The following MSRA variants were observed in gnomAD, a reference collection of about 807,000 sequenced individuals.
MSRA encodes methionine sulfoxide reductase A, also known as mitochondrial peptide methionine sulfoxide reductase.
A neutral mutation model predicts 31.3 loss-of-function variants in MSRA; 54 were observed. The observed-to-expected ratio is 1.73, with a 90% confidence interval of 1.39 to 2.17. MSRA has a LOEUF of 2.17. Among genes scored for constraint, MSRA ranks in the 30% most tolerant of loss-of-function variants. MSRA has a pLI of 0.00. For synonymous variants in MSRA, 169 were observed against 116.5 expected, an observed-to-expected ratio of 1.45 and a Z score of -2.90; for missense variants, 507 against 300.9, an observed-to-expected ratio of 1.69 and a Z score of -5.07.
intron 1 of MSRA, among the ~76,000 whole-genome samples, chr8:10,155,392 C>G (rs1804065437): frequency 6.6e-6 from 1 of 152,194 alleles, no homozygotes; most frequent in African/African-American, 2.4e-5. Flanking sequence ...CCCACGCTCT[C>G]TCTCTCACTG....
At chr8:10,132,244 C>T (rs1346045560) in intron 1 of MSRA, among the ~76,000 whole-genome samples, 1 of 152,212 alleles carries the variant, frequency 6.6e-6, no homozygotes, top group Non-Finnish European at 1.5e-5. Flanking sequence ...AAAGTTTGGA[C>T]TTTCAGATGA....
chr8:10,178,833 G>T (rs575861696), intron 1 of MSRA, among the ~76,000 whole-genome samples: 1 of 152,270 alleles, frequency 6.6e-6, no homozygotes, highest in East Asian at 1.9e-4. Context: ...TAAAATAACT[G>T]TTGTTTCCTG....
chr8:10,382,967 G>A (rs900422747), intron 5 of MSRA, among the ~76,000 whole-genome samples: 3 of 152,204 alleles, frequency 2.0e-5, no homozygotes, highest in Non-Finnish European at 2.9e-5. Context: ...TTCTCCTGCA[G>A]TGCTGGATGT....
intron 5 of MSRA, among the ~76,000 whole-genome samples, chr8:10,328,901 C>A (rs568259829): frequency 2.0e-5 from 3 of 152,264 alleles, no homozygotes; most frequent in African/African-American, 7.2e-5. Flanking sequence ...TTCATGGACT[C>A]ACTGTTGCCA....
At chr8:10,081,452 A>G (rs1191227932) in intron 1 of MSRA, among the ~76,000 whole-genome samples, 1 of 152,064 alleles carries the variant, frequency 6.6e-6, no homozygotes, top group South Asian at 2.1e-4. Flanking sequence ...AGGTTCGGGC[A>G]TCTCCAGATG....
intron 1 of MSRA, among the ~76,000 whole-genome samples, chr8:10,069,145 TTTC>T (rs1270997535): frequency 6.6e-6 from 1 of 151,984 alleles, no homozygotes; most frequent in African/African-American, 2.4e-5. Context: ...CTTGCTGTAA[TTTC>T]TTATTAGTTC....
chr8:10,090,465 T>C, intron 1 of MSRA, among the ~76,000 whole-genome samples: 1 of 152,214 alleles, frequency 6.6e-6, no homozygotes, highest in East Asian at 1.9e-4. Context: ...ATAAAGGATT[T>C]TTGTGAGTTT....
intron 5 of MSRA, among the ~76,000 whole-genome samples, chr8:10,390,295 G>T (rs1399859867): frequency 6.6e-6 from 1 of 152,210 alleles, no homozygotes; most frequent in African/African-American, 2.4e-5. Context: ...GTGGCCTTGT[G>T]TTTCCTGTGC....
chr8:10,410,072 A>T (rs1424873215), intron 5 of MSRA, among the ~76,000 whole-genome samples: 1 of 152,174 alleles, frequency 6.6e-6, no homozygotes, highest in Non-Finnish European at 1.5e-5. Context: ...ATTTTTAAAG[A>T]TATTTCTTCG....
intron 2 of MSRA, among the ~76,000 whole-genome samples, chr8:10,241,287 C>A (rs571700006): frequency 6.6e-6 from 1 of 152,176 alleles, no homozygotes; most frequent in African/African-American, 2.4e-5. Context: ...TCTGGGACAT[C>A]CTGTCAAACC....
intron 1 of MSRA, among the ~76,000 whole-genome samples, chr8:10,154,257 C>G (rs1412024811): frequency 6.7e-6 from 1 of 150,220 alleles, no homozygotes; most frequent in East Asian, 2.0e-4. Flanking sequence ...AAAATACTTA[C>G]AGTTCTTACC....
intron 1 of MSRA, among the ~76,000 whole-genome samples, chr8:10,102,762 AG>A (rs1051758318): frequency 2.0e-5 from 3 of 152,168 alleles, no homozygotes; most frequent in African/African-American, 7.2e-5. Context: ...AGCAGGGGAA[AG>A]GGGGGCACTC....
intron 1 of MSRA, among the ~76,000 whole-genome samples, chr8:10,055,997 T>C (rs919253768): frequency 1.3e-5 from 2 of 152,064 alleles, no homozygotes; most frequent in Non-Finnish European, 2.9e-5. Context: ...AGTAAACATC[T>C]ATACTTATAT....
At position 10,167,176 on chromosome 8, in the gene MSRA, C is replaced by G. The variant is rs190480268; in HGVS notation, c.143-40657C>G. Among the ~76,000 whole-genome samples, 8 of 152,298 alleles carry G rather than the reference C, an allele frequency of 5.3e-5. No individual in the cohort carries two copies. The East Asian group carries it at 9.6e-4, about 18-fold the overall frequency. ...GGAATTAAAATGTTTTGTCTGGAAACAAGTGAGCTTGACTAACGTGGCCGG... is the reference window on the plus strand; with the variant it reads ...GGAATTAAAATGTTTTGTCTGGAAAGAAGTGAGCTTGACTAACGTGGCCGG... On this transcript the variant is annotated intron_variant, in intron 1 of 5. Coordinates refer to ENST00000317173, the MANE Select transcript of MSRA (RefSeq NM_012331.5).
At chr8:10,178,299 A>G (rs1367493776) in intron 1 of MSRA, among the ~76,000 whole-genome samples, 2 of 152,156 alleles carry the variant, frequency 1.3e-5, no homozygotes, top group Non-Finnish European at 2.9e-5. Context: ...GCTTAACATT[A>G]ACATTCCAGG....
chr8:10,245,597 C>T (rs1797582672), intron 3 of MSRA, among the ~76,000 whole-genome samples: 1 of 152,212 alleles, frequency 6.6e-6, no homozygotes, highest in Non-Finnish European at 1.5e-5. Context: ...TGCCTGGGGG[C>T]TAGTCAGCCT....
chr8:10,183,075 C>G (rs1164659127), intron 1 of MSRA, among the ~76,000 whole-genome samples: 1 of 152,224 alleles, frequency 6.6e-6, no homozygotes, highest in African/African-American at 2.4e-5. Flanking sequence ...TCCACTGATG[C>G]TATAGCTGAC....
At chr8:10,340,970 A>G (rs972724669) in intron 5 of MSRA, among the ~76,000 whole-genome samples, 1 of 152,186 alleles carries the variant, frequency 6.6e-6, no homozygotes, top group African/African-American at 2.4e-5. Context: ...TGATGTGGAA[A>G]CAGCCTCCAA....
At position 10,240,383 on chromosome 8, in the gene MSRA, C is replaced by G. The variant is rs544759158; in HGVS notation, c.212-4721C>G. Reference sequence around the variant, plus strand: ...CCTATCTCTGCCATTGTGGCCAGTTCGTTCCTGCATCCATTACGCAGGTAC... The same window carrying G: ...CCTATCTCTGCCATTGTGGCCAGTTGGTTCCTGCATCCATTACGCAGGTAC... On this transcript the variant is annotated intron_variant, in intron 2 of 5. Transcript: ENST00000317173. 1.4e-3 allele frequency among the ~76,000 whole-genome samples: 208 copies of G among 152,232 alleles called. 2 individuals carry two copies. Among genetic ancestry groups the G allele is most frequent in the African/African-American group, 4.6e-3 (193 of 41,534 alleles).
Sources: gnomAD v4.1 joint callset for allele counts (sites outside exome capture counted in the v4.1 genomes callset) on GRCh38, gnomAD v4.1.1 for gene constraint, MANE v1.5 for transcripts, NCBI Gene and HGNC (gene_info 2026-07-23, HGNC 2026-07-21) for gene names.